Variants in PTPRT observed in about 807,000 individuals in gnomAD.
PTPRT encodes the protein protein tyrosine phosphatase receptor type T.
PTPRT carries 56 observed loss-of-function variants against 176.8 expected under a neutral mutation model. The observed-to-expected ratio is 0.32, with a 90% confidence interval of 0.26 to 0.40. The LOEUF (loss-of-function observed/expected upper bound fraction) is 0.40, where lower values mean the gene tolerates loss of function less well. Among genes scored for constraint, PTPRT ranks in the 10% least tolerant of loss-of-function variants. The pLI, the probability that PTPRT is intolerant of heterozygous loss-of-function variation, is 1.00. For missense variants in PTPRT, 1,540 were observed against 1,908.2 expected (o/e 0.81, Z 3.60); for synonymous variants, 783 against 739.0 (o/e 1.06, Z -0.96).
intron 9 of PTPRT, among the ~76,000 whole-genome samples, chr20:42,427,629 C>T (rs1041643507): frequency 2.6e-5 from 4 of 152,158 alleles, no homozygotes; most frequent in Non-Finnish European, 4.4e-5. Context: ...AGCATTTTAT[C>T]ATCTCCCAAA....
intron 16 of PTPRT, among the ~76,000 whole-genome samples, chr20:42,184,840 T>C (rs1177565721): frequency 6.6e-6 from 1 of 150,822 alleles, no homozygotes; most frequent in Non-Finnish European, 1.5e-5. Context: ...TTCGCCATGT[T>C]AGCTAGAGTG....
In PTPRT at chr20:42,938,356, A is replaced by G. The variant is rs1439580540; in HGVS notation, c.89-52424T>C. On this transcript the variant is annotated intron_variant, in intron 1 of 30. Transcript: ENST00000373187. ...CTAGACAATTACTGTTTTCCACCGA[A>G]GCACCATTTTCTCTCACAGCCTAGC... 7.2e-5 allele frequency among the ~76,000 whole-genome samples: 11 copies of G among 152,202 alleles called. No homozygotes were observed. In the South Asian group the frequency reaches 2.1e-3, roughly 29 times the overall value.
intron 4 of PTPRT, 74 bp from the exon 5 acceptor site, chr20:42,771,624 G>C: frequency 8.1e-7 from 1 of 1,236,006 alleles, no homozygotes. Context: ...GTGGATGGCA[G>C]CTCAGGATGG....
intron 7 of PTPRT, among the ~76,000 whole-genome samples, chr20:42,565,154 T>C (rs1031235835): frequency 6.6e-6 from 1 of 151,966 alleles, no homozygotes; most frequent in African/African-American, 2.4e-5. Context: ...CTGGCTGCCC[T>C]TCACATCTCA....
intron 15 of PTPRT, among the ~76,000 whole-genome samples, chr20:42,223,976 G>A (rs1311594754): frequency 6.6e-6 from 1 of 152,040 alleles, no homozygotes; most frequent in Non-Finnish European, 1.5e-5. Context: ...TTAAAAACAG[G>A]GTTTTGACCA....
In PTPRT at chr20:43,014,762, C is replaced by A. The variant is rs556965762; in HGVS notation, c.89-128830G>T. 1.2e-4 allele frequency among the ~76,000 whole-genome samples: 19 copies of A among 152,224 alleles called. No homozygotes were observed. In the South Asian group the frequency reaches 3.7e-3, roughly 30 times the overall value. On this transcript the variant is annotated intron_variant, in intron 1 of 30. Coordinates refer to ENST00000373187, the MANE Select transcript of PTPRT (RefSeq NM_007050.6). ...ATATTAATGAGCCTAAATTCTAAAT[C>A]TGGATTTTGGAAATAAAAAGGGTAA...
At chr20:42,638,992 A>G (rs2074674017) in intron 7 of PTPRT, among the ~76,000 whole-genome samples, 1 of 152,100 alleles carries the variant, frequency 6.6e-6, no homozygotes, top group Non-Finnish European at 1.5e-5. Context: ...CATTAATTAT[A>G]AGGTTTCAGA....
chr20:43,073,003 A>T (rs552384784), intron 1 of PTPRT, among the ~76,000 whole-genome samples: 1 of 152,300 alleles, frequency 6.6e-6, no homozygotes, highest in Admixed American at 6.5e-5. Flanking sequence ...GGAATAAAAG[A>T]CCATCTGTGT....
At chr20:42,493,429 C>T (rs2071596686) in intron 7 of PTPRT, among the ~76,000 whole-genome samples, 1 of 151,996 alleles carries the variant, frequency 6.6e-6, no homozygotes, top group African/African-American at 2.4e-5. Context: ...TGAACTCTTC[C>T]TCTGTAAGTT....
intron 1 of PTPRT, among the ~76,000 whole-genome samples, chr20:43,121,019 G>A (rs556540971): frequency 1.3e-5 from 2 of 152,018 alleles, no homozygotes; most frequent in South Asian, 2.1e-4. Flanking sequence ...CACATCTCCC[G>A]GCTCCTTCTC....
intron 1 of PTPRT, among the ~76,000 whole-genome samples, chr20:43,056,962 G>A (rs1241308093): frequency 2.0e-5 from 3 of 151,742 alleles, no homozygotes; most frequent in Non-Finnish European, 2.9e-5. Flanking sequence ...ATGAACTATC[G>A]ATGCATGCAA....
At chr20:42,334,020 G>A (rs1368768361) in intron 11 of PTPRT, among the ~76,000 whole-genome samples, 1 of 152,128 alleles carries the variant, frequency 6.6e-6, no homozygotes, top group Non-Finnish European at 1.5e-5. Flanking sequence ...AACATTGATA[G>A]ACAAAACCCA....
At chr20:42,433,976 A>G (rs2059238566) in intron 9 of PTPRT, among the ~76,000 whole-genome samples, 2 of 152,232 alleles carry the variant, frequency 1.3e-5, no homozygotes. Flanking sequence ...AAGTGATTTG[A>G]AAGTAAATAC....
rs560302043 is a variant in PTPRT, at chr20:42,771,302, C to T, written c.684+133G>A. The T allele has an allele frequency of 8.4e-5, 66 of 783,022 alleles. No individual in the cohort carries two copies. In the East Asian group the frequency reaches 1.1e-3, roughly 13 times the overall value. 48.5% of individuals were successfully genotyped at this position (783,022 alleles called of 1,614,324 possible). On this transcript the variant is annotated intron_variant, in intron 5 of 30. Transcript: ENST00000373187. ...CCAGTTTGTAAGCAAGGGTGGGCTC[C>T]GGTGCTAGCTGTTGTCCCCCTCTGC...
rs891440418 is a variant in PTPRT, at chr20:42,282,536, C to T, written c.2140-11G>A. ...GTTGATTTTGGTCTCCTGTGAACAA[C>T]AAAAATGAGATGCCAATTAATTAGC... is the stretch of plus-strand genomic sequence containing the variant. On this transcript the variant is annotated splice_polypyrimidine_tract_variant and intron_variant, in intron 12 of 30. Coordinates refer to ENST00000373187, the MANE Select transcript of PTPRT (RefSeq NM_007050.6). 8 of 1,600,494 alleles carry T rather than the reference C, an allele frequency of 5.0e-6. No individual in the cohort carries two copies. The highest frequency in any genetic ancestry group is 1.7e-5 in the Admixed American group (1 of 58,564).
chr20:42,400,631 A>T (rs1239281784), intron 9 of PTPRT, among the ~76,000 whole-genome samples: 1 of 152,004 alleles, frequency 6.6e-6, no homozygotes, highest in South Asian at 2.1e-4. Flanking sequence ...CTGCAAGAGG[A>T]ATTGTCTTTG....
At chr20:42,775,256 T>A (rs2077119001) in intron 4 of PTPRT, among the ~76,000 whole-genome samples, 1 of 152,200 alleles carries the variant, frequency 6.6e-6, no homozygotes, top group South Asian at 2.1e-4. Context: ...TGAAGACATA[T>A]TATTGTGCCC....
At chr20:42,491,358 G>A (rs554580010) in intron 7 of PTPRT, among the ~76,000 whole-genome samples, 1 of 152,094 alleles carries the variant, frequency 6.6e-6, no homozygotes, top group African/African-American at 2.4e-5. Flanking sequence ...GATGGCATGA[G>A]GTTTCATCAC....
chr20:42,448,111 T>A (rs2076082), intron 9 of PTPRT, 109 bp downstream of exon 9: 376,106 of 855,516 alleles, frequency 0.44, 85,916 homozygotes, highest in African/African-American at 0.65. Flanking sequence ...TTGGTATGTC[T>A]CATCTTACTC....
Sources: allele counts gnomAD v4.1 joint callset (sites outside exome capture counted in the v4.1 genomes callset), GRCh38; gene constraint gnomAD v4.1.1; transcripts MANE v1.5; gene names NCBI Gene and HGNC (gene_info 2026-07-23, HGNC 2026-07-21).